The following NPAS3 variants were observed in gnomAD, a reference collection of about 807,000 sequenced individuals.
NPAS3 encodes the protein neuronal PAS domain protein 3.
Under a neutral mutation model 73.1 loss-of-function variants are expected in NPAS3, and 14 were observed. The observed-to-expected ratio is 0.19, with a 90% confidence interval of 0.13 to 0.30. NPAS3 has a LOEUF of 0.30. NPAS3 is among the 10% of genes least tolerant of loss of function. NPAS3 has a pLI of 1.00. For synonymous variants in NPAS3, 620 were observed against 541.5 expected, an observed-to-expected ratio of 1.14 and a Z score of -2.01; for missense variants, 1,096 against 1,250.0, an observed-to-expected ratio of 0.88 and a Z score of 1.86.
intron 2 of NPAS3, among the ~76,000 whole-genome samples, chr14:33,079,810 C>T (rs753006756): frequency 3.6e-4 from 54 of 151,318 alleles, no homozygotes; most frequent in Middle Eastern, 3.4e-3. Flanking sequence ...CGGGGTTTCA[C>T]CATGTTGGCC....
At chr14:33,749,359 A>G (rs1457493195) in intron 7 of NPAS3, among the ~76,000 whole-genome samples, 2 of 152,178 alleles carry the variant, frequency 1.3e-5, no homozygotes, top group Non-Finnish European at 1.5e-5. Context: ...GTGTTGTCTG[A>G]AATGGGTGTA....
chr14:33,637,688 G>A (rs1388624413), intron 5 of NPAS3, among the ~76,000 whole-genome samples: 1 of 151,868 alleles, frequency 6.6e-6, no homozygotes, highest in Non-Finnish European at 1.5e-5. Context: ...TACCTTTTTT[G>A]TTTGCTGTTT....
intron 4 of NPAS3, among the ~76,000 whole-genome samples, chr14:33,411,826 C>A (rs2047940460): frequency 6.6e-6 from 1 of 150,450 alleles, no homozygotes; most frequent in Non-Finnish European, 1.5e-5. Flanking sequence ...CTTTCAAGCT[C>A]AGCTCAGTTT....
intron 3 of NPAS3, among the ~76,000 whole-genome samples, chr14:33,219,235 C>CT (rs993583275): frequency 6.6e-6 from 1 of 152,090 alleles, no homozygotes; most frequent in Non-Finnish European, 1.5e-5. Context: ...ACCATTATAT[C>CT]TTTTATTAAT....
intron 5 of NPAS3, chr14:33,586,001 T>C (rs1222923636): frequency 1.3e-5 from 2 of 152,058 alleles, no homozygotes; most frequent in African/African-American, 4.8e-5. Context: ...ATCAGAAATA[T>C]GATAGATTCT....
chr14:33,522,154 G>C (rs576635881), intron 4 of NPAS3, among the ~76,000 whole-genome samples: 32 of 152,310 alleles, frequency 2.1e-4, no homozygotes, highest in African/African-American at 7.7e-4. Context: ...TAGCTTTGCG[G>C]TAAAAATCCA....
intron 5 of NPAS3, among the ~76,000 whole-genome samples, chr14:33,570,956 T>C (rs1027385308): frequency 6.6e-6 from 1 of 152,168 alleles, no homozygotes; most frequent in African/African-American, 2.4e-5. Flanking sequence ...GTCACAACAG[T>C]GTAATAACTG....
At chr14:33,064,934 G>A (rs1333492102) in intron 2 of NPAS3, among the ~76,000 whole-genome samples, 1 of 152,142 alleles carries the variant, frequency 6.6e-6, no homozygotes, top group Non-Finnish European at 1.5e-5. Context: ...ATTTGTATAT[G>A]AGCAGCTTAT....
chr14:32,944,513 A>G (rs1221607676), intron 1 of NPAS3, among the ~76,000 whole-genome samples: 4 of 152,272 alleles, frequency 2.6e-5, no homozygotes, highest in East Asian at 1.9e-4. Context: ...AGAAAATCCA[A>G]TTGTTTGCAT....
At chr14:33,350,398 T>C (rs2044978564) in intron 3 of NPAS3, among the ~76,000 whole-genome samples, 1 of 152,258 alleles carries the variant, frequency 6.6e-6, no homozygotes, top group African/African-American at 2.4e-5. Flanking sequence ...TTTCAGCTTT[T>C]AGGCCGGCAG....
chr14:33,721,564 G>A (rs971680217), intron 6 of NPAS3, among the ~76,000 whole-genome samples: 3 of 152,132 alleles, frequency 2.0e-5, no homozygotes, highest in Non-Finnish European at 4.4e-5. Context: ...AACATTAGTA[G>A]TAATCATAAT....
chr14:33,024,138 GTA>G (rs988948381), intron 1 of NPAS3, among the ~76,000 whole-genome samples: 1 of 126,572 alleles, frequency 7.9e-6, no homozygotes, highest in South Asian at 2.6e-4. Flanking sequence ...GTGTGTGTGT[GTA>G]TATGTGTGTG....
At chr14:33,282,018 G>T (rs572316122) in intron 3 of NPAS3, among the ~76,000 whole-genome samples, 1 of 152,206 alleles carries the variant, frequency 6.6e-6, no homozygotes, top group African/African-American at 2.4e-5. Context: ...TTCTAAGTCT[G>T]TCAAGTGTCC....
At chr14:33,261,115 A>G (rs1216727891) in intron 3 of NPAS3, among the ~76,000 whole-genome samples, 1 of 152,100 alleles carries the variant, frequency 6.6e-6, no homozygotes, top group Non-Finnish European at 1.5e-5. Context: ...CAATGCTAGC[A>G]ATTCTTCAAC....
intron 4 of NPAS3, among the ~76,000 whole-genome samples, chr14:33,483,615 A>G (rs1187884791): frequency 6.6e-6 from 1 of 152,184 alleles, no homozygotes; most frequent in South Asian, 2.1e-4. Flanking sequence ...ATGAGGGATC[A>G]TGGTTTCAGG....
intron 4 of NPAS3, among the ~76,000 whole-genome samples, chr14:33,461,381 A>G (rs970964396): frequency 6.6e-6 from 1 of 152,204 alleles, no homozygotes; most frequent in Non-Finnish European, 1.5e-5. Context: ...TTTCAATAAG[A>G]TAGTTTTATC....
At chr14:33,205,582 G>A (rs2046792496) in intron 2 of NPAS3, among the ~76,000 whole-genome samples, 1 of 152,150 alleles carries the variant, frequency 6.6e-6, no homozygotes, top group Non-Finnish European at 1.5e-5. Context: ...ATAAGTGAGA[G>A]AAGGAGTATA....
At chr14:33,295,891 T>G (rs748643736) in intron 3 of NPAS3, among the ~76,000 whole-genome samples, 12 of 152,204 alleles carry the variant, frequency 7.9e-5, no homozygotes, top group Non-Finnish European at 1.2e-4. Context: ...AAGACCTGTC[T>G]CTTTCAGCAA....
chr14:33,777,097 G>A (rs955945032), intron 8 of NPAS3, among the ~76,000 whole-genome samples: 6 of 152,108 alleles, frequency 3.9e-5, no homozygotes, highest in South Asian at 2.1e-4. Context: ...TCCCAAGGAC[G>A]GCCTCAGGCA....
Sources: allele counts gnomAD v4.1 joint callset (sites outside exome capture counted in the v4.1 genomes callset), GRCh38; gene constraint gnomAD v4.1.1; transcripts MANE v1.5; gene names NCBI Gene and HGNC (gene_info 2026-07-23, HGNC 2026-07-21).